Variants in PLPPR1 observed in about 807,000 individuals in gnomAD.
PLPPR1 encodes the protein phospholipid phosphatase related 1.
In PLPPR1, 10 loss-of-function variants were observed where a neutral mutation model predicts 33.1. That is an observed-to-expected ratio of 0.30 (90% CI 0.19 to 0.51). The LOEUF is 0.51. Ranked by LOEUF, PLPPR1 falls within the 20% of genes least tolerant of loss-of-function variation. The probability of loss-of-function intolerance (pLI) is 0.97; values close to 1 mark genes in which losing one functional copy is unlikely to be tolerated. For synonymous variants in PLPPR1, 151 were observed against 151.0 expected, an observed-to-expected ratio of 1.00 and a Z score of 0.00; for missense variants, 304 against 408.1, an observed-to-expected ratio of 0.74 and a Z score of 2.20.
chr9:101,321,063 C>T (rs1283341761), intron 7 of PLPPR1, among the ~76,000 whole-genome samples: 2 of 152,208 alleles, frequency 1.3e-5, no homozygotes, highest in African/African-American at 4.8e-5. Context: ...AAGAACTTCC[C>T]TTGCAACTCC....
rs1285523156 is a variant in PLPPR1 at position 101,163,996 on chromosome 9, AGGGAGTCACCATCCCT to A, written c.-45-21452_-45-21437del. ...TTATGAAAAACTCAGGACATGTATCAGGGAGTCACCATCCCTGCATGCTTATTTTATGCTAAAATGA... is the reference window on the plus strand; with the variant it reads ...TTATGAAAAACTCAGGACATGTATCAGCATGCTTATTTTATGCTAAAATGA... On this transcript the variant is annotated intron_variant, in intron 1 of 7. Coordinates refer to ENST00000374874, the MANE Select transcript of PLPPR1 (RefSeq NM_207299.2). Among the ~76,000 whole-genome samples, 5 of 152,358 alleles carry A rather than the reference AGGGAGTCACCATCCCT, an allele frequency of 3.3e-5. No individual in the cohort carries two copies. The East Asian group carries it at 7.7e-4, about 23-fold the overall frequency.
At chr9:101,082,348 T>C (rs1297486327) in intron 1 of PLPPR1, among the ~76,000 whole-genome samples, 1 of 152,174 alleles carries the variant, frequency 6.6e-6, no homozygotes, top group African/African-American at 2.4e-5. Context: ...GGGTAATTTT[T>C]TTCTCTCTTC....
chr9:101,157,038 C>G (rs1831705159), intron 1 of PLPPR1, among the ~76,000 whole-genome samples: 2 of 152,024 alleles, frequency 1.3e-5, no homozygotes, highest in South Asian at 4.1e-4. Flanking sequence ...TGGAATAAAG[C>G]CTGGAGATAA....
chr9:101,242,184 G>C (rs1182426199), intron 2 of PLPPR1, among the ~76,000 whole-genome samples: 1 of 151,916 alleles, frequency 6.6e-6, no homozygotes, highest in Non-Finnish European at 1.5e-5. Flanking sequence ...AGTGACTTTG[G>C]AGTGTGGGTA....
chr9:101,181,714 T>TTACTA (rs144137055), intron 1 of PLPPR1, among the ~76,000 whole-genome samples: 84,786 of 141,352 alleles, frequency 0.6, 25,793 homozygotes, highest in African/African-American at 0.66. Flanking sequence ...ACACACCAAA[T>TTACTA]TACTATTTGG....
chr9:101,254,392 AC>A (rs1234815017), intron 2 of PLPPR1, among the ~76,000 whole-genome samples: 3 of 152,088 alleles, frequency 2.0e-5, no homozygotes, highest in African/African-American at 7.2e-5. Flanking sequence ...ATCTCATGTC[AC>A]CGCTGATTTG....
At chr9:101,046,503 G>A (rs1433930051) in intron 1 of PLPPR1, among the ~76,000 whole-genome samples, 1 of 140,034 alleles carries the variant, frequency 7.1e-6, no homozygotes, top group Non-Finnish European at 1.5e-5. Context: ...GCAGTGGCAC[G>A]ATCTCAGCTC....
At chr9:101,240,712 G>A (rs1246520226) in intron 2 of PLPPR1, among the ~76,000 whole-genome samples, 3 of 151,998 alleles carry the variant, frequency 2.0e-5, no homozygotes, top group South Asian at 2.1e-4. Context: ...AGTGTCAGAC[G>A]AGGATTTCCA....
chr9:101,048,390 C>A (rs923581892), intron 1 of PLPPR1, among the ~76,000 whole-genome samples: 3 of 152,136 alleles, frequency 2.0e-5, no homozygotes, highest in Non-Finnish European at 2.9e-5. Flanking sequence ...CAGGCCTTCC[C>A]TGAGCTAATT....
At chr9:101,323,987 C>T in intron 7 of PLPPR1, 38 bp from the exon 8 acceptor site, 2 of 1,602,582 alleles carry the variant, frequency 1.2e-6, no homozygotes, top group Non-Finnish European at 1.7e-6. Context: ...GTCAGGCAAC[C>T]CTATCTCAGA....
chr9:101,307,983 C>G (rs749451602), intron 4 of PLPPR1, among the ~76,000 whole-genome samples: 3 of 152,174 alleles, frequency 2.0e-5, no homozygotes, highest in African/African-American at 4.8e-5. Context: ...TGTAAGGAAA[C>G]CTCTGCATGT....
At chr9:101,286,388 A>T in intron 4 of PLPPR1, 152 bp downstream of exon 4, 1 of 648,634 alleles carries the variant, frequency 1.5e-6, no homozygotes, top group South Asian at 2.7e-5. Context: ...CAAATTTTTG[A>T]CTCTCGAAAT....
chr9:101,062,767 G>A (rs1265025138), intron 1 of PLPPR1, among the ~76,000 whole-genome samples: 1 of 151,888 alleles, frequency 6.6e-6, no homozygotes, highest in Non-Finnish European at 1.5e-5. Context: ...ATAAGGTAAG[G>A]CAAAAATAAT....
At chr9:101,277,388 G>A (rs747556182) in intron 3 of PLPPR1, among the ~76,000 whole-genome samples, 1 of 152,148 alleles carries the variant, frequency 6.6e-6, no homozygotes, top group Admixed American at 6.5e-5. Flanking sequence ...GTGATGACTT[G>A]GGGTAGGCTG....
At chr9:101,218,673 T>C (rs1826856437) in intron 2 of PLPPR1, among the ~76,000 whole-genome samples, 1 of 152,240 alleles carries the variant, frequency 6.6e-6, no homozygotes, top group Non-Finnish European at 1.5e-5. Flanking sequence ...ATTAAAAGTT[T>C]ATTTCATTTT....
chr9:101,041,875 A>G (rs1016903702), intron 1 of PLPPR1, among the ~76,000 whole-genome samples: 5 of 152,208 alleles, frequency 3.3e-5, no homozygotes, highest in Non-Finnish European at 7.3e-5. Context: ...TGCCAACTAC[A>G]TGGAAGAATG....
chr9:101,214,992 C>T (rs762947798), intron 2 of PLPPR1, among the ~76,000 whole-genome samples: 21 of 148,930 alleles, frequency 1.4e-4, no homozygotes, highest in Non-Finnish European at 2.7e-4. Context: ...CACTGCACTC[C>T]AGCCTGGGTG....
At chr9:101,112,911 A>G (rs755739814) in intron 1 of PLPPR1, among the ~76,000 whole-genome samples, 1 of 152,252 alleles carries the variant, frequency 6.6e-6, no homozygotes, top group Non-Finnish European at 1.5e-5. Flanking sequence ...GACACTGACC[A>G]TTCAGATGTC....
intron 4 of PLPPR1, among the ~76,000 whole-genome samples, chr9:101,290,983 A>G (rs923738191): frequency 3.3e-5 from 5 of 152,210 alleles, no homozygotes; most frequent in Non-Finnish European, 7.3e-5. Context: ...AGGGCGAGGC[A>G]TTGCTTCACT....
Sources: allele counts gnomAD v4.1 joint callset (sites outside exome capture counted in the v4.1 genomes callset), GRCh38; gene constraint gnomAD v4.1.1; transcripts MANE v1.5; gene names NCBI Gene and HGNC (gene_info 2026-07-23, HGNC 2026-07-21).